Variants in TOE1 observed in about 807,000 individuals in gnomAD.
TOE1 encodes the protein target of EGR1, exonuclease, also known as target of EGR1 protein 1.
Under a neutral mutation model 49.2 loss-of-function variants are expected in TOE1, and 50 were observed. The ratio of observed to expected loss-of-function variants is 1.02; its 90% CI spans 0.81 to 1.29. The LOEUF (loss-of-function observed/expected upper bound fraction) is 1.29, where lower values mean the gene tolerates loss of function less well. TOE1 is among the 50% of genes most tolerant of loss of function. The pLI is 0.00. For missense variants in TOE1, 544 were observed against 654.4 expected (o/e 0.83, Z 1.84); for synonymous variants, 221 against 247.0 (o/e 0.89, Z 0.99).
rs1323024011 is a variant in TOE1 at position 45,343,173 on chromosome 1, A to AGCGGCGACG, written c.1008_1016dup (p.Arg340_Arg342dup). On this transcript the variant is annotated inframe_insertion, in exon 8 of 8. Coordinates refer to ENST00000372090, the MANE Select transcript of TOE1 (RefSeq NM_025077.4). The surrounding 1 kb of genome is among the most constrained non-coding windows in gnomAD (Gnocchi z 4.3). ...ACTGATGAGGCTGCGGCAGAGGACA[A>AGCGGCGACG]GCGGCGACGGCGACGACGTAGGGAA... The AGCGGCGACG allele has an allele frequency of 6.2e-7, 1 of 1,613,944 alleles. No individual in the cohort carries two copies. Among genetic ancestry groups the AGCGGCGACG allele is most frequent in the South Asian group, 1.1e-5 (1 of 91,064 alleles).
rs201425549 is a variant in TOE1 at position 45,342,865 on chromosome 1, C to T, written c.775C>T (p.Arg259Trp). The stretch of plus-strand genomic sequence containing the variant: ...CAGTGAACGGGAAAATGGGAAGCAG[C>T]GGGCAGCTGGCAGCCCACACCTTAC... ...RKCERENGKQ[R>W]AAGSPHLTLE... The change falls in exon 7 of 8, where the codon CGG (arginine) becomes TGG (tryptophan). Residue 259 changes from arginine (R) to tryptophan (W), a missense_variant. Physicochemically the swap from Arg to Trp is moderately radical, Grantham distance 101 (BLOSUM62 -3). Transcript: ENST00000372090. 2.2e-5 allele frequency: 36 copies of T among 1,613,926 alleles called. No homozygotes were observed. The highest frequency in any genetic ancestry group is 5.3e-5 in the African/African-American group (4 of 74,878).
At chr1:45,341,005 T>C in intron 1 of TOE1, 68 bp from the exon 2 acceptor site, 1 of 1,604,976 alleles carries the variant, frequency 6.2e-7, no homozygotes, top group South Asian at 1.1e-5. Flanking sequence ...CACCGTGGCC[T>C]AGCTTGGTGT....
At chr1:45,342,680 T>TA (rs1647059720) in intron 6 of TOE1, 37 bp downstream of exon 6, 1 of 1,609,074 alleles carries the variant, frequency 6.2e-7, no homozygotes, top group Non-Finnish European at 8.5e-7. Context: ...TGGGGCCTGA[T>TA]ACGAGTTTAT....
At chr1:45,341,440 C>G in intron 3 of TOE1, 33 bp from the exon 4 acceptor site, 1 of 1,613,888 alleles carries the variant, frequency 6.2e-7, no homozygotes, top group South Asian at 1.1e-5. Flanking sequence ...AGGCTAACTC[C>G]TAGCCACAGC....
Position 45,343,061 on chromosome 1 carries a change from A to C in TOE1, c.913-21A>C. Reference sequence around the variant, plus strand: ...GTTCTGATGCCTGGAGCCTCTTTCTAAGCCTCTTTCCCACCCCTAGGCTTA... The same window carrying C: ...GTTCTGATGCCTGGAGCCTCTTTCTCAGCCTCTTTCCCACCCCTAGGCTTA... On this transcript the variant is annotated intron_variant, in intron 7 of 7. Transcript: ENST00000372090. The surrounding 1 kb of genome is among the most constrained non-coding windows in gnomAD (Gnocchi z 4.3). 1 of 1,613,050 alleles carries C rather than the reference A, an allele frequency of 6.2e-7. No individual in the cohort carries two copies. The highest frequency in any genetic ancestry group is 8.5e-7 in the Non-Finnish European group (1 of 1,179,476).
At chr1:45,342,196 C>A in intron 5 of TOE1, 89 bp downstream of exon 5, 1 of 1,544,188 alleles carries the variant, frequency 6.5e-7, no homozygotes, top group Non-Finnish European at 8.8e-7. Context: ...GGAGAATCTG[C>A]TTCTTAGGGA....
At chr1:45,342,280 T>C (rs901008823) in intron 5 of TOE1, 104 bp from the exon 6 acceptor site, 19 of 1,537,412 alleles carry the variant, frequency 1.2e-5, no homozygotes, top group Non-Finnish European at 1.7e-5. Context: ...TTGGGTAAGG[T>C]AGAGAGAGAG....
chr1:45,341,591 A>C, intron 4 of TOE1, 22 bp downstream of exon 4: 1 of 1,601,956 alleles, frequency 6.2e-7, no homozygotes, highest in Non-Finnish European at 8.5e-7. Context: ...TCTCACCCCA[A>C]TCCTAGGTGT....
intron 3 of TOE1, 28 bp downstream of exon 3, chr1:45,341,371 G>T (rs1399228307): frequency 6.2e-7 from 1 of 1,614,028 alleles, no homozygotes; most frequent in Non-Finnish European, 8.5e-7. Context: ...TCTCTTTAGT[G>T]CCAGCCCTCA....
In TOE1 at chr1:45,342,857, G is replaced by A. The variant is rs769683097; in HGVS notation, c.767G>A (p.Gly256Glu). Residue 256 changes from glycine (G) to glutamate (E), a missense_variant, in exon 7 of 8, where the codon GGG becomes GAG. By Grantham distance (98) the Gly-to-Glu change is moderately conservative. Transcript: ENST00000372090. Reference sequence around the variant, plus strand: ...CGCTGTTGCAGTGAACGGGAAAATGGGAAGCAGCGGGCAGCTGGCAGCCCA... The same window carrying A: ...CGCTGTTGCAGTGAACGGGAAAATGAGAAGCAGCGGGCAGCTGGCAGCCCA... ...YAFRKCEREN[G>E]KQRAAGSPHL... The A allele has an allele frequency of 1.9e-5, 30 of 1,614,120 alleles. No homozygotes were observed. Among genetic ancestry groups the A allele is most frequent in the Non-Finnish European group, 2.5e-5 (30 of 1,180,038 alleles).
chr1:45,342,425 G>A lies in TOE1; in HGVS notation c.534G>A (p.Leu178=), dbSNP rs1002995018. The change falls in exon 6 of 8, where the codon CTG becomes CTA. Residue 178 remains leucine, a synonymous_variant. Coordinates refer to ENST00000372090, the MANE Select transcript of TOE1 (RefSeq NM_025077.4). ...GCCAGTCAGTACGGACCCTATTCCT[G>A]GAGCTAATCCGAGCCCGCCGGCCCC... is the stretch of plus-strand genomic sequence containing the variant. ...SQSQSVRTLF[L]ELIRARRPLV... is the part of the protein sequence containing the mutation. The A allele has an allele frequency of 2.5e-6, 4 of 1,614,004 alleles. No individual in the cohort carries two copies. The highest frequency in any genetic ancestry group is 2.2e-5 in the East Asian group (1 of 44,898).
In TOE1 at chr1:45,343,419, G is replaced by C. The variant is rs1415385963; in HGVS notation, c.1250G>C (p.Arg417Thr). The C allele has an allele frequency of 1.2e-6, 2 of 1,614,096 alleles. No individual in the cohort carries two copies. The highest frequency in any genetic ancestry group is 1.7e-5 in the Admixed American group (1 of 60,008). ...GCAGCAAGGCCTGAAATAGCTGATA[G>C]AGCTACCTCAGAAGTGCCAGGGAGC... Reference protein sequence around the residue: ...IKAARPEIADRATSEVPGSQA... With the variant: ...IKAARPEIADTATSEVPGSQA... The change falls in exon 8 of 8, where the codon AGA becomes ACA. Residue 417 changes from arginine (R) to threonine (T), a missense_variant. By Grantham distance (71) the Arg-to-Thr change is moderately conservative. Transcript: ENST00000372090. The surrounding 1 kb of genome is among the most constrained non-coding windows in gnomAD (Gnocchi z 4.3).
chr1:45,342,150 G>T, intron 5 of TOE1, 43 bp downstream of exon 5: 2 of 1,606,374 alleles, frequency 1.2e-6, no homozygotes, highest in South Asian at 1.1e-5. Flanking sequence ...CCCTTTCTGT[G>T]ACTTTATTTC....
rs1646929603 is a variant in TOE1 at position 45,341,073 on chromosome 1, G to A, written c.53G>A (p.Gly18Asp). ...GAVSAPAASD[G>D]GVSKSTTSGE... ...CATCCATCACCCTCCTAACCCCCAG[G>A]TGGTGTCAGCAAAAGCACAACATCT... Residue 18 changes from glycine to aspartate, a missense_variant and splice_region_variant, in exon 2 of 8, where the codon GGT (glycine) becomes GAT (aspartate). Physicochemically the swap from Gly to Asp is moderately conservative, Grantham distance 94. Coordinates refer to ENST00000372090, the MANE Select transcript of TOE1 (RefSeq NM_025077.4). The A allele has an allele frequency of 3.1e-6, 5 of 1,614,188 alleles. No homozygotes were observed. The South Asian group carries it at 5.5e-5, about 18-fold the overall frequency.
In TOE1 at chr1:45,341,059, C is replaced by G; in HGVS notation, c.53-14C>G. The G allele has an allele frequency of 6.2e-7, 1 of 1,614,146 alleles. No individual in the cohort carries two copies. Among genetic ancestry groups the G allele is most frequent in the South Asian group, 1.1e-5 (1 of 91,074 alleles). On this transcript the variant is annotated splice_polypyrimidine_tract_variant and intron_variant, in intron 1 of 7. Coordinates refer to ENST00000372090, the MANE Select transcript of TOE1 (RefSeq NM_025077.4). Reference sequence around the variant, plus strand: ...TCCTTAAGCATGAACATCCATCACCCTCCTAACCCCCAGGTGGTGTCAGCA... The same window carrying G: ...TCCTTAAGCATGAACATCCATCACCGTCCTAACCCCCAGGTGGTGTCAGCA...
At position 45,343,504 on chromosome 1, in the gene TOE1, T is replaced by A. The variant is rs1647088298; in HGVS notation, c.1335T>A (p.Phe445Leu). The A allele has an allele frequency of 3.7e-6, 6 of 1,614,010 alleles. No homozygotes were observed. The highest frequency in any genetic ancestry group is 1.7e-5 in the Admixed American group (1 of 59,996). ...DGLHRAGFDA[F>L]MTGYVMAYVE... Reference sequence around the variant, plus strand: ...TGCACCGGGCTGGTTTTGATGCCTTTATGACAGGTTATGTGATGGCCTATG... The same window carrying A: ...TGCACCGGGCTGGTTTTGATGCCTTAATGACAGGTTATGTGATGGCCTATG... The change falls in exon 8 of 8, where the codon TTT (phenylalanine) becomes TTA (leucine). Residue 445 changes from phenylalanine to leucine, a missense_variant. Phe to Leu is a conservative substitution (Grantham distance 22). Coordinates refer to ENST00000372090, the MANE Select transcript of TOE1 (RefSeq NM_025077.4). The surrounding 1 kb of genome is among the most constrained non-coding windows in gnomAD (Gnocchi z 4.3).
intron 4 of TOE1, 79 bp from the exon 5 acceptor site, chr1:45,341,870 T>C (rs931370262): frequency 4.8e-6 from 7 of 1,460,176 alleles, no homozygotes; most frequent in African/African-American, 2.8e-5. Context: ...CCAGAGTCCA[T>C]TGTATCATTC....
chr1:45,341,909 T>C (rs779007549), intron 4 of TOE1, 40 bp from the exon 5 acceptor site: 1 of 1,605,460 alleles, frequency 6.2e-7, no homozygotes, highest in South Asian at 1.1e-5. Flanking sequence ...CTAGCTTGGC[T>C]CTCTGAAATC....
In TOE1 at chr1:45,342,836, G is replaced by C. The variant is rs370316732; in HGVS notation, c.753-7G>C. ...TAGTGGACCATTACCCTCTTGCGCT[G>C]TTGCAGTGAACGGGAAAATGGGAAG... On this transcript the variant is annotated splice_polypyrimidine_tract_variant and splice_region_variant and intron_variant, in intron 6 of 7. Transcript: ENST00000372090. 2 of 1,614,006 alleles carry C rather than the reference G, an allele frequency of 1.2e-6. No homozygotes were observed. The highest frequency in any genetic ancestry group is 2.7e-5 in the African/African-American group (2 of 74,916).
Sources: allele counts gnomAD v4.1 joint callset, GRCh38; gene constraint gnomAD v4.1.1; non-coding constraint Gnocchi (gnomAD v3.1); transcripts MANE v1.5; gene names NCBI Gene and HGNC (gene_info 2026-07-23, HGNC 2026-07-21).